The following GUCY1A2 variants were observed in gnomAD, a reference collection of about 807,000 sequenced individuals.
GUCY1A2 encodes guanylate cyclase 1 soluble subunit alpha 2, also known as guanylate cyclase soluble subunit alpha-2.
Under a neutral mutation model 63.5 loss-of-function variants are expected in GUCY1A2, and 27 were observed. That is an observed-to-expected ratio of 0.43 (90% CI 0.31 to 0.59). GUCY1A2 has a LOEUF of 0.59. Among genes scored for constraint, GUCY1A2 ranks in the 20% least tolerant of loss-of-function variants. The pLI is 0.11. For synonymous variants in GUCY1A2, 364 were observed against 343.5 expected, an observed-to-expected ratio of 1.06 and a Z score of -0.66; for missense variants, 768 against 913.3, an observed-to-expected ratio of 0.84 and a Z score of 2.05.
intron 5 of GUCY1A2, among the ~76,000 whole-genome samples, chr11:106,809,105 T>C (rs903925942): frequency 9.2e-5 from 14 of 152,210 alleles, no homozygotes; most frequent in Admixed American, 3.9e-4. Flanking sequence ...ATTTACAAAG[T>C]GAATCAGACA....
chr11:106,735,920 G>A (rs768480520), intron 6 of GUCY1A2, among the ~76,000 whole-genome samples: 43 of 151,944 alleles, frequency 2.8e-4, no homozygotes, highest in Non-Finnish European at 5.3e-4. Context: ...TTTTCCATTT[G>A]TGTGTCTTCT....
intron 4 of GUCY1A2, among the ~76,000 whole-genome samples, chr11:106,935,889 G>A (rs1045377342): frequency 2.6e-5 from 4 of 151,186 alleles, no homozygotes; most frequent in Non-Finnish European, 5.9e-5. Context: ...AAAAAATCAT[G>A]ATCAATTGAC....
intron 1 of GUCY1A2, among the ~76,000 whole-genome samples, chr11:106,996,855 T>C (rs1861546146): frequency 6.6e-6 from 1 of 152,216 alleles, no homozygotes; most frequent in South Asian, 2.1e-4. Flanking sequence ...CTGAATATAA[T>C]TGGATCTAGT....
At chr11:106,710,104 ATT>A (rs1310954963) in intron 6 of GUCY1A2, among the ~76,000 whole-genome samples, 3 of 117,018 alleles carry the variant, frequency 2.6e-5, no homozygotes, top group African/African-American at 7.0e-5. Flanking sequence ...AGTTATATAT[ATT>A]ATATACATGT....
At chr11:106,953,390 A>G (rs1434940363) in intron 3 of GUCY1A2, among the ~76,000 whole-genome samples, 1 of 152,290 alleles carries the variant, frequency 6.6e-6, no homozygotes, top group East Asian at 1.9e-4. Flanking sequence ...CTCATGGTGG[A>G]TAAGTTTTTT....
At chr11:106,957,545 C>T (rs999437670) in intron 3 of GUCY1A2, among the ~76,000 whole-genome samples, 1 of 151,896 alleles carries the variant, frequency 6.6e-6, no homozygotes, top group Non-Finnish European at 1.5e-5. Flanking sequence ...GCTTCCCCTT[C>T]CCCGTGTGGC....
intron 4 of GUCY1A2, among the ~76,000 whole-genome samples, chr11:106,914,161 A>C (rs1213165009): frequency 6.6e-6 from 1 of 152,030 alleles, no homozygotes; most frequent in Non-Finnish European, 1.5e-5. Flanking sequence ...ATTACACTGA[A>C]TACTATGGGA....
intron 3 of GUCY1A2, among the ~76,000 whole-genome samples, chr11:106,947,301 G>A (rs1409078313): frequency 6.6e-6 from 1 of 150,702 alleles, no homozygotes; most frequent in African/African-American, 2.4e-5. Flanking sequence ...TCAGTACCAA[G>A]CTATGTAACG....
intron 6 of GUCY1A2, among the ~76,000 whole-genome samples, chr11:106,760,962 C>A (rs1295155513): frequency 6.6e-6 from 1 of 152,160 alleles, no homozygotes; most frequent in East Asian, 1.9e-4. Context: ...AAATGACACT[C>A]AAGAGGTCAA....
intron 6 of GUCY1A2, among the ~76,000 whole-genome samples, chr11:106,729,269 T>TA (rs1437814140): frequency 6.6e-6 from 1 of 152,172 alleles, no homozygotes; most frequent in Non-Finnish European, 1.5e-5. Flanking sequence ...ACTGCTGTCT[T>TA]ACTGCCGTTA....
intron 3 of GUCY1A2, among the ~76,000 whole-genome samples, chr11:106,951,797 A>C (rs1446629318): frequency 6.6e-6 from 1 of 152,206 alleles, no homozygotes; most frequent in African/African-American, 2.4e-5. Context: ...TGTTTTTGTC[A>C]TGAAGTCTTT....
At chr11:106,866,198 A>C (rs1045498127) in intron 4 of GUCY1A2, among the ~76,000 whole-genome samples, 9 of 151,942 alleles carry the variant, frequency 5.9e-5, no homozygotes, top group Non-Finnish European at 1.5e-5. Flanking sequence ...TCCTCAAATG[A>C]AATAGTTAAA....
chr11:106,791,618 C>T (rs1864662039), intron 5 of GUCY1A2, among the ~76,000 whole-genome samples: 1 of 152,156 alleles, frequency 6.6e-6, no homozygotes, highest in African/African-American at 2.4e-5. Flanking sequence ...CATCTTAACC[C>T]ATAAATCCTA....
intron 6 of GUCY1A2, among the ~76,000 whole-genome samples, chr11:106,731,688 T>C (rs1197221644): frequency 6.6e-6 from 1 of 152,146 alleles, no homozygotes; most frequent in Non-Finnish European, 1.5e-5. Flanking sequence ...TTCAGCAAAG[T>C]TTCAGGATAC....
At chr11:106,879,909 C>A (rs1346317670) in intron 4 of GUCY1A2, among the ~76,000 whole-genome samples, 1 of 152,032 alleles carries the variant, frequency 6.6e-6, no homozygotes, top group African/African-American at 2.4e-5. Context: ...TATATGCTGT[C>A]ATCAGTTAAT....
chr11:106,935,484 A>G (rs1860663390), intron 4 of GUCY1A2, among the ~76,000 whole-genome samples: 1 of 152,274 alleles, frequency 6.6e-6, no homozygotes, highest in Middle Eastern at 3.4e-3. Context: ...ATGGTAGGTA[A>G]GTCAGATTCT....
chr11:106,993,340 C>T (rs920109823), intron 1 of GUCY1A2, among the ~76,000 whole-genome samples: 1 of 152,120 alleles, frequency 6.6e-6, no homozygotes, highest in African/African-American at 2.4e-5. Flanking sequence ...TGTAGGTAGG[C>T]CTGTAGACAC....
At chr11:106,856,058 T>G (rs2135453883) in intron 4 of GUCY1A2, among the ~76,000 whole-genome samples, 1 of 151,828 alleles carries the variant, frequency 6.6e-6, no homozygotes, top group South Asian at 2.1e-4. Flanking sequence ...CCCAAGTAGC[T>G]GGGACTACAG....
At chr11:106,930,655 GT>G (rs1860588501) in intron 4 of GUCY1A2, among the ~76,000 whole-genome samples, 2 of 152,328 alleles carry the variant, frequency 1.3e-5, no homozygotes, top group Non-Finnish European at 2.9e-5. Context: ...CTAAGTTGAT[GT>G]CTAAGTTCTG....
Sources: allele counts gnomAD v4.1 joint callset (sites outside exome capture counted in the v4.1 genomes callset), GRCh38; gene constraint gnomAD v4.1.1; transcripts MANE v1.5; gene names NCBI Gene and HGNC (gene_info 2026-07-23, HGNC 2026-07-21).